The following PCDHA9 variants were observed in gnomAD, a reference collection of about 807,000 sequenced individuals.
The protein encoded by PCDHA9 is protocadherin alpha-9.
A neutral mutation model predicts 62.0 loss-of-function variants in PCDHA9; 62 were observed. The observed-to-expected ratio is 1.00, with a 90% confidence interval of 0.81 to 1.23. The LOEUF (loss-of-function observed/expected upper bound fraction) is 1.23. PCDHA9 is among the 50% of genes most tolerant of loss of function. The probability of loss-of-function intolerance (pLI) is 0.00; values close to 1 mark genes in which losing one functional copy is unlikely to be tolerated. For missense variants in PCDHA9, 1,205 were observed against 1,249.8 expected, an observed-to-expected ratio of 0.96 and a Z score of 0.54; for synonymous variants, 557 against 567.6, an observed-to-expected ratio of 0.98 and a Z score of 0.27.
rs2150496669 is a variant in PCDHA9 at position 140,850,740 on chromosome 5, T to A, written c.2245T>A (p.Ser749Thr). 3.1e-6 allele frequency: 5 copies of A among 1,597,562 alleles called. 1 individual carries two copies. The highest frequency in any genetic ancestry group is 3.4e-6 in the Non-Finnish European group (4 of 1,167,476). The change falls in exon 1 of 4, where the codon TCG (serine) becomes ACG (threonine). Residue 749 changes from serine (S) to threonine (T), a missense_variant. By Grantham distance (58) the Ser-to-Thr change is moderately conservative (BLOSUM62 1). Coordinates refer to ENST00000532602, the MANE Select transcript of PCDHA9 (RefSeq NM_031857.2). ...LVCSSAVGSW[S>T]YSQQRRQRVC... Reference sequence around the variant, plus strand: ...GTGTTCTAGCGCGGTGGGGAGTTGGTCGTACTCGCAGCAGAGGAGGCAGAG... The same window carrying A: ...GTGTTCTAGCGCGGTGGGGAGTTGGACGTACTCGCAGCAGAGGAGGCAGAG...
intron 3 of PCDHA9, among the ~76,000 whole-genome samples, chr5:140,991,572 G>A (rs782016422): frequency 1.3e-4 from 20 of 152,144 alleles, no homozygotes; most frequent in Non-Finnish European, 2.9e-4. Flanking sequence ...TCCAATAACA[G>A]GCTCCTTATT....
At chr5:140,976,140 C>T (rs1276971902) in intron 1 of PCDHA9, among the ~76,000 whole-genome samples, 9 of 152,130 alleles carry the variant, frequency 5.9e-5, no homozygotes, top group African/African-American at 1.7e-4. Flanking sequence ...CTGGATGAAA[C>T]TCATGTACAT....
At chr5:140,916,613 A>T (rs2077649645) in intron 1 of PCDHA9, among the ~76,000 whole-genome samples, 1 of 151,990 alleles carries the variant, frequency 6.6e-6, no homozygotes, top group Non-Finnish European at 1.5e-5. Flanking sequence ...GGGCCTCATG[A>T]CTCTACTCAA....
At chr5:140,876,705 C>A (rs369536692) in intron 1 of PCDHA9, 2 of 1,614,122 alleles carry the variant, frequency 1.2e-6, no homozygotes, top group Non-Finnish European at 1.7e-6. Context: ...TGCTGGACAG[C>A]GCCCTGGACC....
At chr5:140,877,894 G>C (rs1186724493) in intron 1 of PCDHA9, 21 of 1,447,492 alleles carry the variant, frequency 1.5e-5, no homozygotes, top group African/African-American at 2.9e-5. Flanking sequence ...CTTCCGTTTA[G>C]GTTATAACTA....
At position 140,856,085 on chromosome 5, in the gene PCDHA9, C is replaced by T. The variant is rs2043764270; in HGVS notation, c.2394+5196C>T. 5.0e-6 allele frequency: 8 copies of T among 1,596,290 alleles called. No homozygotes were observed. In the East Asian group the frequency reaches 1.8e-4, roughly 36 times the overall value. On this transcript the variant is annotated intron_variant, in intron 1 of 3. Transcript: ENST00000532602. ...ATGTAGCTGCCTGGGGGTCCAGTGT[C>T]TGCTGCTCTCGCTTCTTCTCCTCGC...
At chr5:140,856,761 C>G (rs377564040) in intron 1 of PCDHA9, 2 of 1,596,598 alleles carry the variant, frequency 1.3e-6, no homozygotes, top group South Asian at 2.2e-5. Context: ...AATGATAACG[C>G]CCCTATCTTT....
chr5:140,876,051 A>G, intron 1 of PCDHA9: 2 of 1,613,956 alleles, frequency 1.2e-6, no homozygotes, highest in African/African-American at 2.7e-5. Flanking sequence ...TATTGCCTGA[A>G]TTAGTTCTTC....
intron 1 of PCDHA9, among the ~76,000 whole-genome samples, chr5:140,888,357 G>C (rs2061799918): frequency 6.6e-6 from 1 of 152,138 alleles, no homozygotes; most frequent in Non-Finnish European, 1.5e-5. Flanking sequence ...ATTGCTACTG[G>C]CATCTAATAA....
At chr5:140,939,973 A>G (rs782675791) in intron 1 of PCDHA9, among the ~76,000 whole-genome samples, 4 of 152,234 alleles carry the variant, frequency 2.6e-5, no homozygotes, top group Non-Finnish European at 4.4e-5. Flanking sequence ...TCCACGATGA[A>G]TAGTGAATTG....
intron 1 of PCDHA9, among the ~76,000 whole-genome samples, chr5:140,886,844 A>C (rs11748231): frequency 2.0e-5 from 3 of 150,634 alleles, no homozygotes; most frequent in African/African-American, 7.3e-5. Flanking sequence ...AAAAAAAAAA[A>C]AAAGAAAGGT....
At chr5:140,952,111 G>A (rs1040553968) in intron 1 of PCDHA9, among the ~76,000 whole-genome samples, 1 of 152,086 alleles carries the variant, frequency 6.6e-6, no homozygotes, top group Non-Finnish European at 1.5e-5. Context: ...ACTCGTGTGA[G>A]GGATGGGCTC....
intron 1 of PCDHA9, among the ~76,000 whole-genome samples, chr5:140,904,604 T>C (rs1010462159): frequency 2.0e-5 from 3 of 152,094 alleles, no homozygotes; most frequent in Non-Finnish European, 1.5e-5. Flanking sequence ...CTGGATCAAA[T>C]AGTAGTTTTA....
At chr5:140,989,810 AT>A (rs2097361628) in intron 3 of PCDHA9, among the ~76,000 whole-genome samples, 1 of 152,192 alleles carries the variant, frequency 6.6e-6, no homozygotes, top group Non-Finnish European at 1.5e-5. Context: ...GGGCCATAAG[AT>A]TGGTCACTGC....
chr5:140,883,710 A>C (rs782592824), intron 1 of PCDHA9: 1 of 1,613,516 alleles, frequency 6.2e-7, no homozygotes, highest in South Asian at 1.1e-5. Context: ...TCTGCTCAGG[A>C]CGCGGACGCA....
At chr5:140,885,592 G>T (rs1428219345) in intron 1 of PCDHA9, among the ~76,000 whole-genome samples, 3 of 152,102 alleles carry the variant, frequency 2.0e-5, no homozygotes, top group Non-Finnish European at 2.9e-5. Flanking sequence ...ATGCATCAAA[G>T]ATATTAATAA....
At chr5:140,922,107 T>C (rs1250364037) in intron 1 of PCDHA9, among the ~76,000 whole-genome samples, 1 of 152,028 alleles carries the variant, frequency 6.6e-6, no homozygotes, top group East Asian at 1.9e-4. Context: ...TATAGATAAA[T>C]GAAAATTCAC....
intron 3 of PCDHA9, among the ~76,000 whole-genome samples, chr5:141,005,783 C>T (rs79683532): frequency 0.097 from 14,322 of 148,270 alleles, 898 homozygotes; most frequent in African/African-American, 0.18. Context: ...TGTAAAGATC[C>T]TGAGGCAAAA....
intron 3 of PCDHA9, among the ~76,000 whole-genome samples, chr5:141,008,458 C>T (rs1234894606): frequency 3.9e-5 from 6 of 152,252 alleles, no homozygotes; most frequent in Middle Eastern, 3.4e-3. Context: ...CCTTCCTCTC[C>T]AGCTCTGACT....
Sources: gnomAD v4.1 joint callset for allele counts (sites outside exome capture counted in the v4.1 genomes callset) on GRCh38, gnomAD v4.1.1 for gene constraint, MANE v1.5 for transcripts, NCBI Gene and HGNC (gene_info 2026-07-23, HGNC 2026-07-21) for gene names.